DNAAF9: variants seen among roughly 807,000 people sequenced by gnomAD.
DNAAF9 encodes shulin.
Under a neutral mutation model 167.0 loss-of-function variants are expected in DNAAF9, and 90 were observed. The observed-to-expected ratio is 0.54, with a 90% CI of 0.45 to 0.64. The LOEUF is 0.64. Ranked by LOEUF, DNAAF9 falls within the 30% of genes least tolerant of loss-of-function variation. DNAAF9 has a pLI of 0.00. For synonymous variants in DNAAF9, 491 were observed against 508.8 expected (o/e 0.96, Z 0.47); for missense variants, 1,315 against 1,442.2 (o/e 0.91, Z 1.43).
chr20:3,348,732 A>G, intron 7 of DNAAF9, 109 bp from the exon 8 acceptor site: 1 of 588,886 alleles, frequency 1.7e-6, no homozygotes, highest in Middle Eastern at 2.9e-4. Context: ...CCATTTATAT[A>G]TGTTATTTTA....
At chr20:3,270,405 GC>G in intron 30 of DNAAF9, 21 bp downstream of exon 30, 1 of 1,609,366 alleles carries the variant, frequency 6.2e-7, no homozygotes, top group South Asian at 1.1e-5. Flanking sequence ...AACTGGTCTT[GC>G]AGAGTGAATC....
chr20:3,360,785 A>G (rs2083351488), intron 6 of DNAAF9, among the ~76,000 whole-genome samples: 1 of 152,228 alleles, frequency 6.6e-6, no homozygotes, highest in Admixed American at 6.5e-5. Context: ...GCCCTGTTTA[A>G]AACTTCAATT....
intron 10 of DNAAF9, among the ~76,000 whole-genome samples, chr20:3,333,808 GA>G (rs1418306942): frequency 6.6e-6 from 1 of 152,134 alleles, no homozygotes; most frequent in Non-Finnish European, 1.5e-5. Context: ...ACGTGAATCT[GA>G]AGTCTATCTC....
intron 20 of DNAAF9, among the ~76,000 whole-genome samples, chr20:3,309,947 C>A (rs1301436570): frequency 6.6e-6 from 1 of 152,102 alleles, no homozygotes; most frequent in Non-Finnish European, 1.5e-5. Context: ...AATCCCAGAA[C>A]TTTGGGAGGC....
intron 27 of DNAAF9, among the ~76,000 whole-genome samples, chr20:3,285,979 CAAAAAAA>C (rs913877421): frequency 9.8e-6 from 1 of 102,070 alleles, no homozygotes; most frequent in African/African-American, 3.8e-5. Flanking sequence ...GACTCCGTTT[CAAAAAAA>C]AAAAAGAAAA....
At chr20:3,308,341 C>CTTTT (rs35610785) in intron 20 of DNAAF9, among the ~76,000 whole-genome samples, 7 of 105,402 alleles carry the variant, frequency 6.6e-5, no homozygotes, top group South Asian at 5.9e-4. Context: ...CAAAACTTTA[C>CTTTT]TTTTTTTTTT....
intron 6 of DNAAF9, chr20:3,361,806 T>C: frequency 7.6e-7 from 1 of 1,318,454 alleles, no homozygotes; most frequent in Non-Finnish European, 1.0e-6. Flanking sequence ...CTAGAAAATT[T>C]ACTACTGAAA....
Position 3,312,807 on chromosome 20 carries a change from C to G in DNAAF9, c.1678+2226G>C, listed in dbSNP as rs567157347. ...CCCAAAGTGGTAAAATGCTTATCCA[C>G]AGGAAGGGGAGACTCCTGTTTAAAT... On this transcript the variant is annotated intron_variant, in intron 20 of 36. Coordinates refer to ENST00000252032, the MANE Select transcript of DNAAF9 (RefSeq NM_001009984.3). Among the ~76,000 whole-genome samples, 5 of 152,284 alleles carry G rather than the reference C, an allele frequency of 3.3e-5. No homozygotes were observed. In the South Asian group the frequency reaches 1.0e-3, roughly 32 times the overall value.
At chr20:3,382,227 G>A (rs555265526) in intron 2 of DNAAF9, among the ~76,000 whole-genome samples, 200 bp downstream of exon 2, 4 of 152,144 alleles carry the variant, frequency 2.6e-5, no homozygotes, top group Admixed American at 6.5e-5. Flanking sequence ...TAAGGCAGAA[G>A]TAGCTCCAAA....
At chr20:3,403,500 T>C (rs1049890268) in intron 1 of DNAAF9, among the ~76,000 whole-genome samples, 1 of 149,950 alleles carries the variant, frequency 6.7e-6, no homozygotes, top group East Asian at 2.0e-4. Flanking sequence ...ATTGTTGGCA[T>C]TGCTCCTGTC....
At chr20:3,332,620 ATT>A (rs59726740) in intron 10 of DNAAF9, among the ~76,000 whole-genome samples, 4 of 141,424 alleles carry the variant, frequency 2.8e-5, no homozygotes, top group Non-Finnish European at 1.6e-5. Context: ...CACCCAGCTA[ATT>A]TTTTTTTTTT....
At chr20:3,285,685 A>AAC (rs1171075454) in intron 27 of DNAAF9, among the ~76,000 whole-genome samples, 1 of 149,254 alleles carries the variant, frequency 6.7e-6, no homozygotes, top group Non-Finnish European at 1.5e-5. Context: ...TCTCATTAAA[A>AAC]AAAAAAAAAA....
chr20:3,268,931 G>A (rs1188337831), intron 30 of DNAAF9, among the ~76,000 whole-genome samples: 2 of 102,022 alleles, frequency 2.0e-5, no homozygotes, highest in African/African-American at 7.6e-5. Flanking sequence ...TGAGACAGAG[G>A]CTCTGTTGCC....
At chr20:3,332,435 T>C in intron 10 of DNAAF9, 74 bp from the exon 11 acceptor site, 1 of 755,834 alleles carries the variant, frequency 1.3e-6, no homozygotes, top group African/African-American at 1.8e-5. Context: ...ACAAAAAGTA[T>C]AGAGTCAATG....
chr20:3,328,188 T>TTTTTTTTTTTTTTGTTTTG (rs1568607103), intron 12 of DNAAF9, among the ~76,000 whole-genome samples: 3 of 138,774 alleles, frequency 2.2e-5, no homozygotes, highest in South Asian at 2.2e-4. Context: ...GCTCTGTTTT[T>TTTTTTTTTTTTTTGTTTTG]TTTTTTTTTT....
At position 3,322,665 on chromosome 20, in the gene DNAAF9, T is replaced by C. The variant is rs1161791365; in HGVS notation, c.1297A>G (p.Asn433Asp). The stretch of plus-strand genomic sequence containing the variant: ...TCATATACGCACCTTCCCTGATTAT[T>C]CACAGCATGTATATGAAAAGTCATC... The part of the protein sequence containing the change: ...SKMTFHIHAV[N>D]NQGRIVPLDS... Residue 433 changes from asparagine (N) to aspartate (D), a missense_variant, in exon 15 of 37, where the codon AAT (asparagine) becomes GAT (aspartate). Physicochemically the swap from Asn to Asp is conservative, Grantham distance 23. Around this residue, in one of 2 missense-constraint regions of DNAAF9, gnomAD observed 981 missense variants for 1,012.5 expected, o/e 0.97. Transcript: ENST00000252032. 6.2e-7 allele frequency: 1 copy of C among 1,612,982 alleles called. No homozygotes were observed. Among genetic ancestry groups the C allele is most frequent in the East Asian group, 2.2e-5 (1 of 44,880 alleles).
At chr20:3,291,287 C>T (rs1045747767) in intron 25 of DNAAF9, among the ~76,000 whole-genome samples, 63 of 151,822 alleles carry the variant, frequency 4.1e-4, no homozygotes, top group Non-Finnish European at 1.2e-4. Context: ...ACCCTGCAAT[C>T]ACCGAGGGAG....
Position 3,249,401 on chromosome 20 carries a change from T to C in DNAAF9, c.*3171A>G, listed in dbSNP as rs2068167728. On this transcript the variant is annotated 3_prime_UTR_variant, in exon 37 of 37. Coordinates refer to ENST00000252032, the MANE Select transcript of DNAAF9 (RefSeq NM_001009984.3). ...GCAGGTAAAAACATGTAAAATAATA[T>C]AAAAATAAATTGAAGGCTACTTTTA... The C allele has an allele frequency of 6.6e-6, 1 of 152,196 alleles. No individual in the cohort carries two copies. The highest frequency in any genetic ancestry group is 2.4e-5 in the African/African-American group (1 of 41,452). The allele number at this position is 152,196 out of a possible 1,614,324, so 9.4% of individuals were successfully genotyped here. A position where few individuals can be genotyped will look rare whatever the true frequency, so the allele number is the denominator to read the frequency against.
intron 8 of DNAAF9, among the ~76,000 whole-genome samples, chr20:3,344,127 GA>G: frequency 6.6e-6 from 1 of 152,218 alleles, no homozygotes; most frequent in South Asian, 2.1e-4. Flanking sequence ...ATCATGTGGA[GA>G]TTTTTTTAAA....
Sources: allele counts gnomAD v4.1 joint callset (sites outside exome capture counted in the v4.1 genomes callset), GRCh38; gene constraint gnomAD v4.1.1; regional missense constraint gnomAD v4.1.1; transcripts MANE v1.5; gene names NCBI Gene and HGNC (gene_info 2026-07-23, HGNC 2026-07-21).